The following NF1 variants were observed in gnomAD, a reference collection of about 807,000 sequenced individuals.
The protein encoded by NF1 is neurofibromin 1.
Under a neutral mutation model 325.7 loss-of-function variants are expected in NF1, and 122 were observed. That is an observed-to-expected ratio of 0.37 (90% CI 0.32 to 0.44). NF1 has a LOEUF of 0.44. Ranked by LOEUF, NF1 falls within the 20% of genes least tolerant of loss-of-function variation. The pLI is 1.00. For synonymous variants in NF1, 1,091 were observed against 1,186.0 expected (o/e 0.92, Z 1.65); for missense variants, 2,140 against 3,415.4 (o/e 0.63, Z 9.31).
chr17:31,095,404 G>C (rs749185009), intron 1 of NF1, 35 bp downstream of exon 1: 9 of 1,533,404 alleles, frequency 5.9e-6, no homozygotes, highest in Non-Finnish European at 7.9e-6. Flanking sequence ...GGTGGGAGCG[G>C]AGTGGGGGTG....
intron 8 of NF1, among the ~76,000 whole-genome samples, chr17:31,184,615 A>G (rs2066200067): frequency 2.0e-5 from 3 of 148,756 alleles, no homozygotes; most frequent in Admixed American, 6.8e-5. Context: ...GCGCCACTGC[A>G]CTCCAGCCTG....
chr17:31,139,501 T>A (rs941218167), intron 1 of NF1, among the ~76,000 whole-genome samples: 3 of 152,106 alleles, frequency 2.0e-5, no homozygotes, highest in Non-Finnish European at 4.4e-5. Context: ...GACCTTAAAT[T>A]ATTATTTTTG....
At chr17:31,143,762 T>A (rs1206332557) in intron 1 of NF1, among the ~76,000 whole-genome samples, 1 of 152,214 alleles carries the variant, frequency 6.6e-6, no homozygotes, top group Non-Finnish European at 1.5e-5. Flanking sequence ...CTGTAAGAGC[T>A]TAACAGTATA....
intron 5 of NF1, among the ~76,000 whole-genome samples, chr17:31,178,646 C>T (rs528387307): frequency 2.6e-5 from 4 of 151,830 alleles, no homozygotes; most frequent in South Asian, 2.1e-4. Context: ...CACATAGGCT[C>T]AAAATAAAGG....
At chr17:31,166,708 C>A in intron 4 of NF1, among the ~76,000 whole-genome samples, 1 of 151,712 alleles carries the variant, frequency 6.6e-6, no homozygotes, top group Middle Eastern at 3.4e-3. Context: ...GGAGTGGGGG[C>A]GGCAGGGGGA....
chr17:31,134,702 G>A (rs989709041), intron 1 of NF1, among the ~76,000 whole-genome samples: 1 of 152,152 alleles, frequency 6.6e-6, no homozygotes, highest in Admixed American at 6.6e-5. Context: ...ATAGCTTTTG[G>A]CAGGAGGCCT....
chr17:31,113,500 TC>T (rs1005855877), intron 1 of NF1, among the ~76,000 whole-genome samples: 20 of 152,082 alleles, frequency 1.3e-4, no homozygotes, highest in African/African-American at 4.8e-4. Flanking sequence ...CGCCTCGGCT[TC>T]CCAAAGTGCA....
chr17:31,095,308 A>T lies in NF1; in HGVS notation c.-2A>T, dbSNP rs876659342. 6.5e-7 allele frequency: 1 copy of T among 1,536,846 alleles called. No homozygotes were observed. Among genetic ancestry groups the T allele is most frequent in the Non-Finnish European group, 8.7e-7 (1 of 1,145,872 alleles). On this transcript the variant is annotated 5_prime_UTR_variant, in exon 1 of 58. Coordinates refer to ENST00000358273, the MANE Select transcript of NF1 (RefSeq NM_001042492.3). Reference sequence around the variant, plus strand: ...CCGCCGCCCCCCGGCCGCGGGGAGGACATGGCCGCGCACAGGCCGGTGGAA... The same window carrying T: ...CCGCCGCCCCCCGGCCGCGGGGAGGTCATGGCCGCGCACAGGCCGGTGGAA...
chr17:31,325,732 G>T, intron 36 of NF1, 88 bp from the exon 37 acceptor site: 1 of 995,642 alleles, frequency 1.0e-6, no homozygotes, highest in South Asian at 1.4e-5. Context: ...TCTAGAAAAT[G>T]AATCATAAAA....
rs1222664342 is a variant in NF1 at position 31,242,308 on chromosome 17, T to C, written c.3974+6287T>C. Among the ~76,000 whole-genome samples the C allele has an allele frequency of 1.0e-3, 127 of 121,392 alleles. 1 individual carries two copies. The highest frequency in any genetic ancestry group is 1.8e-3 in the Non-Finnish European group (110 of 60,630). The allele number at this position is 121,392 out of a possible 152,430, so 79.6% of individuals were successfully genotyped here. Reference sequence around the variant, plus strand: ...TTCCCTAGGTTTCATAAGTTCTCTTTTTTTTTTTTTTTTTTTTTTTTTTTG... The same window carrying C: ...TTCCCTAGGTTTCATAAGTTCTCTTCTTTTTTTTTTTTTTTTTTTTTTTTG... On this transcript the variant is annotated intron_variant, in intron 29 of 57. Transcript: ENST00000358273.
intron 57 of NF1, among the ~76,000 whole-genome samples, chr17:31,364,134 T>C (rs1014886831): frequency 4.6e-5 from 7 of 152,236 alleles, no homozygotes; most frequent in South Asian, 2.1e-4. Flanking sequence ...TCAACTTTGC[T>C]GTTTAGCTGT....
intron 36 of NF1, among the ~76,000 whole-genome samples, chr17:31,285,279 A>C (rs561386599): frequency 0.024 from 3,517 of 146,878 alleles, 7 homozygotes; most frequent in Middle Eastern, 0.035. Flanking sequence ...ATTCTGTTTA[A>C]AAAAAAAAAA....
At chr17:31,308,841 T>C (rs1190490897) in intron 36 of NF1, among the ~76,000 whole-genome samples, 1 of 152,216 alleles carries the variant, frequency 6.6e-6, no homozygotes, top group East Asian at 1.9e-4. Context: ...ATAATTCATG[T>C]ATGTATCTCA....
intron 36 of NF1, among the ~76,000 whole-genome samples, chr17:31,314,930 A>G (rs552884983): frequency 2.0e-5 from 3 of 152,260 alleles, no homozygotes; most frequent in Non-Finnish European, 2.9e-5. Context: ...ACAGCGTACG[A>G]GAGTTCCATT....
chr17:31,373,944 A>G (rs1418120479), intron 57 of NF1, 69 bp from the exon 58 acceptor site: 4 of 1,589,614 alleles, frequency 2.5e-6, no homozygotes, highest in Non-Finnish European at 3.5e-6. Flanking sequence ...GTTAAGCGAC[A>G]CATGACTGCA....
At chr17:31,283,349 G>A (rs190111032) in intron 36 of NF1, among the ~76,000 whole-genome samples, 222 of 151,944 alleles carry the variant, frequency 1.5e-3, no homozygotes, top group African/African-American at 5.0e-3. Flanking sequence ...CCTGGGAGGC[G>A]GAGCTTGCAG....
intron 1 of NF1, among the ~76,000 whole-genome samples, chr17:31,144,910 G>A (rs989492636): frequency 2.0e-5 from 3 of 152,222 alleles, no homozygotes; most frequent in African/African-American, 4.8e-5. Flanking sequence ...AAGCATGTGG[G>A]ATGAGAGATA....
chr17:31,313,815 G>A (rs1203004192), intron 36 of NF1, among the ~76,000 whole-genome samples: 1 of 150,914 alleles, frequency 6.6e-6, no homozygotes, highest in Admixed American at 6.6e-5. Flanking sequence ...TTTTTCTAAG[G>A]CAAGCTGAAC....
intron 1 of NF1, among the ~76,000 whole-genome samples, chr17:31,124,989 AC>A (rs1914757086): frequency 2.0e-5 from 3 of 151,762 alleles, no homozygotes; most frequent in South Asian, 4.2e-4. Context: ...AAAAAAAAAA[AC>A]ATGGTGAACT....
Sources: allele counts gnomAD v4.1 joint callset (sites outside exome capture counted in the v4.1 genomes callset), GRCh38; gene constraint gnomAD v4.1.1; transcripts MANE v1.5; gene names NCBI Gene and HGNC (gene_info 2026-07-23, HGNC 2026-07-21).